BOD1L1: variants seen among roughly 807,000 people sequenced by gnomAD.
BOD1L1 encodes the protein biorientation of chromosomes in cell division 1 like 1, also known as biorientation of chromosomes in cell division protein 1-like 1.
A neutral mutation model predicts 240.7 loss-of-function variants in BOD1L1; 86 were observed. That is an observed-to-expected ratio of 0.36 (90% CI 0.30 to 0.43). BOD1L1 has a LOEUF of 0.43. BOD1L1 is among the 20% of genes least tolerant of loss of function. BOD1L1 has a pLI of 1.00. For missense variants in BOD1L1, 3,554 were observed against 3,643.5 expected (o/e 0.98, Z 0.63); for synonymous variants, 1,268 against 1,272.3 (o/e 1.00, Z 0.07).
At chr4:13,582,013 G>A (rs1713274230) in intron 19 of BOD1L1, among the ~76,000 whole-genome samples, 1 of 152,108 alleles carries the variant, frequency 6.6e-6, no homozygotes, top group Non-Finnish European at 1.5e-5. Context: ...TATGACATAA[G>A]TGGGTCTCAT....
chr4:13,573,470 A>ATCTATCTATCTATCTT (rs71169517), intron 25 of BOD1L1, among the ~76,000 whole-genome samples: 8,557 of 122,512 alleles, frequency 0.07, 338 homozygotes, highest in Non-Finnish European at 0.091. Flanking sequence ...CTATCTATCT[A>ATCTATCTATCTATCTT]TCTTTCTTTC....
chr4:13,612,897 TCTGGTGAACTTCC>T (rs796782427), intron 5 of BOD1L1, among the ~76,000 whole-genome samples: 8 of 152,278 alleles, frequency 5.3e-5, no homozygotes, highest in African/African-American at 1.7e-4. Context: ...ATCCCAAGGC[TCTGGTGAACTTCC>T]CTGGTTGGCA....
chr4:13,609,524 TG>T, intron 6 of BOD1L1, 118 bp from the exon 7 acceptor site: 1 of 599,062 alleles, frequency 1.7e-6, no homozygotes, highest in African/African-American at 1.9e-5. Flanking sequence ...TAACGGGCTC[TG>T]AAAAAATGCA....
chr4:13,621,286 T>C (rs1717015591), intron 1 of BOD1L1, among the ~76,000 whole-genome samples: 1 of 152,204 alleles, frequency 6.6e-6, no homozygotes, highest in African/African-American at 2.4e-5. Flanking sequence ...TGAGTTTGAG[T>C]GTCCCTGACT....
intron 9 of BOD1L1, among the ~76,000 whole-genome samples, chr4:13,606,336 G>A (rs181647179): frequency 2.2e-3 from 337 of 152,018 alleles, no homozygotes; most frequent in South Asian, 9.1e-3. Context: ...TTCTAAATAC[G>A]CCTTTAATTT....
rs757787479 is a variant in BOD1L1 at position 13,601,732 on chromosome 4, G to A, written c.5168C>T (p.Thr1723Ile). The A allele has an allele frequency of 1.2e-6, 2 of 1,613,946 alleles. No individual in the cohort carries two copies. The highest frequency in any genetic ancestry group is 1.1e-5 in the South Asian group (1 of 91,074). ...TCCTGTACATGTCACAGTGCCCTCT[G>A]TTTCTTTTTTGGGACCCATTCTCAT... ...NMMRMGPKKE[T>I]EGTVTCTGAE... Residue 1723 changes from threonine (T) to isoleucine (I), a missense_variant, in exon 10 of 26, where the codon ACA (threonine) becomes ATA (isoleucine). Coordinates refer to ENST00000040738, the MANE Select transcript of BOD1L1 (RefSeq NM_148894.3).
At chr4:13,585,029 T>C (rs73231569) in intron 17 of BOD1L1, among the ~76,000 whole-genome samples, 1 of 152,246 alleles carries the variant, frequency 6.6e-6, no homozygotes, top group Non-Finnish European at 1.5e-5. Flanking sequence ...AAATTTAACA[T>C]TAAAAAATCA....
intron 12 of BOD1L1, among the ~76,000 whole-genome samples, chr4:13,594,609 G>A (rs562231662): frequency 2.0e-5 from 3 of 152,136 alleles, no homozygotes; most frequent in Non-Finnish European, 2.9e-5. Context: ...ACCATTGGCC[G>A]AGCGCAGTGG....
intron 2 of BOD1L1, among the ~76,000 whole-genome samples, chr4:13,619,564 C>A (rs1277773873): frequency 6.6e-6 from 1 of 152,090 alleles, no homozygotes; most frequent in Non-Finnish European, 1.5e-5. Context: ...TTTCAGTAAT[C>A]TTTAATGTCT....
rs759549358 is a variant in BOD1L1 at position 13,615,477 on chromosome 4, C to T, written c.394G>A (p.Asp132Asn). Residue 132 changes from aspartate to asparagine, a missense_variant, in exon 3 of 26, where the codon GAC becomes AAC. Physicochemically the swap from Asp to Asn is conservative, Grantham distance 23. Coordinates refer to ENST00000040738, the MANE Select transcript of BOD1L1 (RefSeq NM_148894.3). Reference sequence around the variant, plus strand: ...TCCACAACCTGAGAAATAATTCGGTCAATACCAGACTCCAACATTCCTGAT... The same window carrying T: ...TCCACAACCTGAGAAATAATTCGGTTAATACCAGACTCCAACATTCCTGAT... ...LKSGMLESGI[D>N]RIISQVVDPK... 3 of 1,608,034 alleles carry T rather than the reference C, an allele frequency of 1.9e-6. No individual in the cohort carries two copies. The highest frequency in any genetic ancestry group is 2.2e-5 in the South Asian group (2 of 89,838).
chr4:13,620,011 T>C lies in BOD1L1; in HGVS notation c.300A>G (p.Ala100=), dbSNP rs1716921259. ...RVDNFVANHL[A]THTWSPHLNK... is the part of the protein sequence containing the mutation. ...TGAGATGCGGACTCCATGTGTGAGT[T>C]GCCAAGTGATTTGCAACAAAGTTGT... The change falls in exon 2 of 26, where the codon GCA becomes GCG. Residue 100 remains alanine (A), a synonymous_variant. Coordinates refer to ENST00000040738, the MANE Select transcript of BOD1L1 (RefSeq NM_148894.3). 1 of 1,611,630 alleles carries C rather than the reference T, an allele frequency of 6.2e-7. No individual in the cohort carries two copies. The highest frequency in any genetic ancestry group is 8.5e-7 in the Non-Finnish European group (1 of 1,178,790).
chr4:13,627,699 C>A lies in BOD1L1; in HGVS notation c.-112G>T. 4 of 939,314 alleles carry A rather than the reference C, an allele frequency of 4.3e-6. No homozygotes were observed. Among genetic ancestry groups the A allele is most frequent in the Non-Finnish European group, 5.1e-6 (4 of 783,004 alleles). 58.2% of individuals were successfully genotyped at this position (939,314 alleles called of 1,614,324 possible). On this transcript the variant is annotated 5_prime_UTR_variant, in exon 1 of 26. Transcript: ENST00000040738. ...AGCCAACGGGATGTTGTTACGGAAC[C>A]AGCGGATCCAGAGCAACCCCGGAAG...
chr4:13,596,954 TC>T (rs1714667056), intron 11 of BOD1L1, 149 bp downstream of exon 11: 2 of 601,308 alleles, frequency 3.3e-6, no homozygotes, highest in Non-Finnish European at 5.6e-6. Flanking sequence ...TTCTTAGCTT[TC>T]CCCCCACAGG....
chr4:13,602,593 T>C lies in BOD1L1; in HGVS notation c.4307A>G (p.Asp1436Gly), dbSNP rs373629477. Reference sequence around the variant, plus strand: ...TACAACATGATCAACAGCAATGCCATCCTTCTTGCCATTCTCTACTGTTGC... The same window carrying C: ...TACAACATGATCAACAGCAATGCCACCCTTCTTGCCATTCTCTACTGTTGC... ...IKATVENGKK[D>G]GIAVDHVVGL... Residue 1436 changes from aspartate to glycine, a missense_variant, in exon 10 of 26, where the codon GAT (aspartate) becomes GGT (glycine). Around this residue, in one of 2 missense-constraint regions of BOD1L1, gnomAD observed 3,393 missense variants for 3,427.1 expected, o/e 0.99. Transcript: ENST00000040738. 2 of 1,614,076 alleles carry C rather than the reference T, an allele frequency of 1.2e-6. No homozygotes were observed. Among genetic ancestry groups the C allele is most frequent in the Admixed American group, 1.7e-5 (1 of 60,038 alleles).
intron 25 of BOD1L1, among the ~76,000 whole-genome samples, chr4:13,575,895 CTTTT>C (rs35101769): frequency 8.4e-5 from 10 of 119,248 alleles, no homozygotes; most frequent in South Asian, 2.8e-4. Context: ...TTGCCAAACC[CTTTT>C]TTTTTTTTTT....
At chr4:13,620,131 A>G (rs146567002) in intron 1 of BOD1L1, 64 bp from the exon 2 acceptor site, 1 of 1,465,174 alleles carries the variant, frequency 6.8e-7, no homozygotes, top group African/African-American at 1.4e-5. Context: ...ACCTCTCAGA[A>G]AAGTATTTTT....
At position 13,602,053 on chromosome 4, in the gene BOD1L1, C is replaced by T; in HGVS notation, c.4847G>A (p.Gly1616Glu). Residue 1616 changes from glycine to glutamate, a missense_variant, in exon 10 of 26, where the codon GGG becomes GAG. Physicochemically the swap from Gly to Glu is moderately conservative, Grantham distance 98. Transcript: ENST00000040738. Reference protein sequence around the residue: ...FLTSTKEGESGECAVAESEDR... With the variant: ...FLTSTKEGESEECAVAESEDR... ...CTCAGATTCAGCCACAGCACACTCC[C>T]CACTTTCCCCTTCCTTAGTGCTTGT... 1 of 1,614,022 alleles carries T rather than the reference C, an allele frequency of 6.2e-7. No homozygotes were observed. Among genetic ancestry groups the T allele is most frequent in the Non-Finnish European group, 8.5e-7 (1 of 1,179,902 alleles).
rs757183437 is a variant in BOD1L1, at chr4:13,601,873, C to T, written c.5027G>A (p.Gly1676Glu). The change falls in exon 10 of 26, where the codon GGA becomes GAA. Residue 1676 changes from glycine (G) to glutamate (E), a missense_variant. Transcript: ENST00000040738. ...SLSRDSEIVE[G>E]TITFISEVES... is the part of the protein sequence containing the mutation. The stretch of plus-strand genomic sequence containing the variant: ...AACTTCACTAATAAAAGTAATAGTT[C>T]CTTCAACTATTTCTGAGTCTCTACT... 1.2e-5 allele frequency: 20 copies of T among 1,613,732 alleles called. No individual in the cohort carries two copies. The Admixed American group carries it at 1.8e-4, about 15-fold the overall frequency.
chr4:13,620,769 T>A (rs1223804598), intron 1 of BOD1L1, among the ~76,000 whole-genome samples: 1 of 152,072 alleles, frequency 6.6e-6, no homozygotes, highest in African/African-American at 2.4e-5. Flanking sequence ...TGCAATAAAC[T>A]ACAGTGAGGA....
Sources: gnomAD v4.1 joint callset for allele counts (sites outside exome capture counted in the v4.1 genomes callset) on GRCh38, gnomAD v4.1.1 for gene constraint, gnomAD v4.1.1 regional missense constraint, MANE v1.5 for transcripts, NCBI Gene and HGNC (gene_info 2026-07-23, HGNC 2026-07-21) for gene names.